ARL3: variants seen among roughly 807,000 people sequenced by gnomAD.
The protein encoded by ARL3 is ADP-ribosylation factor-like protein 3.
A neutral mutation model predicts 26.0 loss-of-function variants in ARL3; 9 were observed. The observed-to-expected ratio is 0.35, with a 90% CI of 0.21 to 0.60. ARL3 has a LOEUF of 0.60. ARL3 is among the 20% of genes least tolerant of loss of function. The pLI is 0.78. For synonymous variants in ARL3, 71 were observed against 78.4 expected (o/e 0.91, Z 0.50); for missense variants, 158 against 215.7 (o/e 0.73, Z 1.67).
chr10:102,705,108 T>A (rs2064302268), intron 2 of ARL3, among the ~76,000 whole-genome samples: 1 of 152,102 alleles, frequency 6.6e-6, no homozygotes, highest in African/African-American at 2.4e-5. Flanking sequence ...CCATTCCCCC[T>A]CCCCAGCTCC....
intron 1 of ARL3, among the ~76,000 whole-genome samples, chr10:102,708,908 A>ATATATATTT: frequency 3.9e-4 from 37 of 95,316 alleles, no homozygotes; most frequent in East Asian, 1.5e-3. Flanking sequence ...ATATATATAT[A>ATATATATTT]TTTTTTTTTT....
chr10:102,676,779 C>G lies in ARL3; in HGVS notation c.*115G>C. 1 of 1,105,576 alleles carries G rather than the reference C, an allele frequency of 9.0e-7. No individual in the cohort carries two copies. The highest frequency in any genetic ancestry group is 1.4e-5 in the South Asian group (1 of 73,746). 68.5% of individuals were successfully genotyped at this position (1,105,576 alleles called of 1,614,324 possible). A position where few individuals can be genotyped will look rare whatever the true frequency, so the allele number is the denominator to read the frequency against. ...TCTAAACCGTGTTGTTCCCTCTCTT[C>G]AAACAGCTGGAGCTGTACACAGATG... On this transcript the variant is annotated 3_prime_UTR_variant, in exon 6 of 6. Transcript: ENST00000260746.
In ARL3 at chr10:102,705,370, G is replaced by A; in HGVS notation, c.123C>T (p.Asp41=). The stretch of plus-strand genomic sequence containing the variant: ...CCTGTGTAGGTGTGATGTGGCTGAT[G>A]TCTTCAGATGCAAGCTGCTTCAGAA... The part of the protein sequence containing the change: ...TTLLKQLASE[D]ISHITPTQGF... The change falls in exon 2 of 6, where the codon GAC becomes GAT. Residue 41 remains aspartate (D), a synonymous_variant. Transcript: ENST00000260746. The A allele has an allele frequency of 1.2e-6, 2 of 1,608,696 alleles. No homozygotes were observed. The highest frequency in any genetic ancestry group is 8.5e-7 in the Non-Finnish European group (1 of 1,176,612).
intron 4 of ARL3, among the ~76,000 whole-genome samples, chr10:102,687,266 C>G (rs529612198): frequency 1.3e-4 from 19 of 151,824 alleles, no homozygotes; most frequent in Admixed American, 2.0e-4. Flanking sequence ...CAATATCTCA[C>G]TCTGTCATCC....
chr10:102,680,752 T>C (rs2064152745), intron 5 of ARL3, among the ~76,000 whole-genome samples: 3 of 152,168 alleles, frequency 2.0e-5, no homozygotes, highest in Admixed American at 2.0e-4. Context: ...GCTGGTTACG[T>C]GGTCACAGCA....
At chr10:102,702,020 C>CAAA (rs34993485) in intron 2 of ARL3, among the ~76,000 whole-genome samples, 3 of 117,702 alleles carry the variant, frequency 2.5e-5, no homozygotes, top group Non-Finnish European at 5.2e-5. Context: ...CCATCTCTAC[C>CAAA]AAAAAAAAAA....
At chr10:102,692,942 C>T (rs571598963) in intron 3 of ARL3, among the ~76,000 whole-genome samples, 3 of 152,092 alleles carry the variant, frequency 2.0e-5, no homozygotes, top group South Asian at 2.1e-4. Context: ...GTGATCTGCC[C>T]GCCTTGGCCT....
intron 1 of ARL3, among the ~76,000 whole-genome samples, chr10:102,706,349 T>C (rs1207781546): frequency 1.3e-5 from 2 of 151,900 alleles, no homozygotes; most frequent in Non-Finnish European, 2.9e-5. Flanking sequence ...CTACTCGAAA[T>C]GCTGAGGCAG....
Position 102,706,324 on chromosome 10 carries a change from G to A in ARL3, c.4-835C>T, listed in dbSNP as rs558803347. ...AAATTAGTCGGGCGTGGTGGCAGGC[G>A]CTTTGTAGTCCCACCTACTCGAAAT... On this transcript the variant is annotated intron_variant, in intron 1 of 5. Transcript: ENST00000260746. Among the ~76,000 whole-genome samples, 7 of 152,080 alleles carry A rather than the reference G, an allele frequency of 4.6e-5. No homozygotes were observed. In the East Asian group the frequency reaches 1.4e-3, roughly 30 times the overall value.
chr10:102,703,720 G>GGC (rs2136007572), intron 2 of ARL3, among the ~76,000 whole-genome samples: 1 of 151,854 alleles, frequency 6.6e-6, no homozygotes, highest in African/African-American at 2.4e-5. Context: ...TGGGATTATG[G>GGC]GCATGAGCCA....
At chr10:102,684,568 T>A (rs1287982206) in intron 5 of ARL3, among the ~76,000 whole-genome samples, 1 of 152,188 alleles carries the variant, frequency 6.6e-6, no homozygotes, top group East Asian at 1.9e-4. Context: ...AAAATAACCT[T>A]AGGCCTTATG....
chr10:102,673,745 AT>A lies in ARL3; in HGVS notation c.*3148del, dbSNP rs1354101873. On this transcript the variant is annotated 3_prime_UTR_variant, in exon 6 of 6. Coordinates refer to ENST00000260746, the MANE Select transcript of ARL3 (RefSeq NM_004311.4). ...TCCAGGCTGCCTTCGTTCCAGCTAA[AT>A]TTTATTTGTCGGATTTTTGACAGAC... 6.6e-6 allele frequency: 1 copy of A among 152,160 alleles called. No individual in the cohort carries two copies. The highest frequency in any genetic ancestry group is 1.9e-4 in the East Asian group (1 of 5,196). 9.4% of individuals were successfully genotyped at this position (152,160 alleles called of 1,614,324 possible).
intron 3 of ARL3, among the ~76,000 whole-genome samples, chr10:102,697,012 T>C (rs1008147560): frequency 2.0e-5 from 3 of 152,212 alleles, no homozygotes; most frequent in African/African-American, 7.2e-5. Flanking sequence ...CTAGGCTGTA[T>C]GGCATAGCCT....
At chr10:102,678,732 CAA>C (rs963423359) in intron 5 of ARL3, among the ~76,000 whole-genome samples, 1 of 152,134 alleles carries the variant, frequency 6.6e-6, no homozygotes, top group African/African-American at 2.4e-5. Context: ...TGAATGCAGG[CAA>C]AGAGATAGGA....
At chr10:102,692,134 G>C (rs1367465899) in intron 3 of ARL3, among the ~76,000 whole-genome samples, 1 of 152,212 alleles carries the variant, frequency 6.6e-6, no homozygotes, top group African/African-American at 2.4e-5. Context: ...GTGGAATCCA[G>C]GGTTACATTA....
At chr10:102,700,421 A>AAAAAAAAAT (rs1564732489) in intron 2 of ARL3, among the ~76,000 whole-genome samples, 1 of 149,670 alleles carries the variant, frequency 6.7e-6, no homozygotes, top group Non-Finnish European at 1.5e-5. Flanking sequence ...AAAAAAAAAA[A>AAAAAAAAAT]GTGCTTTCAT....
At chr10:102,711,694 T>C (rs1394916312) in intron 1 of ARL3, among the ~76,000 whole-genome samples, 3 of 151,790 alleles carry the variant, frequency 2.0e-5, no homozygotes, top group Non-Finnish European at 4.4e-5. Context: ...GAGGCGGAGC[T>C]TGCAGTGAAC....
chr10:102,708,563 A>G (rs1337349489), intron 1 of ARL3, among the ~76,000 whole-genome samples: 2 of 152,140 alleles, frequency 1.3e-5, no homozygotes, highest in East Asian at 1.9e-4. Context: ...TATTTTAAAA[A>G]AAATTTTTTT....
chr10:102,688,503 T>A (rs1485245646), intron 4 of ARL3, among the ~76,000 whole-genome samples: 1 of 148,856 alleles, frequency 6.7e-6, no homozygotes, highest in Non-Finnish European at 1.5e-5. Context: ...AAAAAACTTT[T>A]TTTTTTTTTT....
Sources: allele counts gnomAD v4.1 joint callset (sites outside exome capture counted in the v4.1 genomes callset), GRCh38; gene constraint gnomAD v4.1.1; transcripts MANE v1.5; gene names NCBI Gene and HGNC (gene_info 2026-07-23, HGNC 2026-07-21).